The following SORBS2 variants were observed in gnomAD, a reference collection of about 807,000 sequenced individuals.
SORBS2 encodes sorbin and SH3 domain containing 2.
A neutral mutation model predicts 97.7 loss-of-function variants in SORBS2; 46 were observed. The ratio of observed to expected loss-of-function variants is 0.47; its 90% confidence interval spans 0.37 to 0.60. SORBS2 has a LOEUF of 0.60. Among genes scored for constraint, SORBS2 ranks in the 20% least tolerant of loss-of-function variants. SORBS2 has a pLI of 0.00. For missense variants in SORBS2, 1,316 were observed against 1,282.3 expected (o/e 1.03, Z -0.40); for synonymous variants, 476 against 473.4 (o/e 1.01, Z -0.07).
chr4:185,684,510 CCT>C lies in SORBS2; in HGVS notation c.-197-5690_-197-5689del, dbSNP rs2153508589. Among the ~76,000 whole-genome samples, 1 of 151,824 alleles carries C rather than the reference CCT, an allele frequency of 6.6e-6. No homozygotes were observed. Among genetic ancestry groups the C allele is most frequent in the South Asian group, 2.1e-4 (1 of 4,810 alleles). ...TAGGTTAAAAAAAAAAACCCCAAAACCTCTGAGTTATCTTAATGAAATATTAT... is the reference window on the plus strand; with the variant it reads ...TAGGTTAAAAAAAAAAACCCCAAAACCTGAGTTATCTTAATGAAATATTAT... On this transcript the variant is annotated intron_variant, in intron 2 of 20. Transcript: ENST00000284776. This position sits in a 1 kb window ranked among gnomAD's most constrained non-coding sequence, Gnocchi z 4.2.
chr4:185,881,516 A>G (rs1306888212), intron 1 of SORBS2, among the ~76,000 whole-genome samples: 1 of 152,214 alleles, frequency 6.6e-6, no homozygotes, highest in Admixed American at 6.5e-5. Flanking sequence ...GAAAAAAGAA[A>G]GGCATCTACA....
At chr4:185,865,787 A>C (rs2099226542) in intron 1 of SORBS2, among the ~76,000 whole-genome samples, 1 of 152,236 alleles carries the variant, frequency 6.6e-6, no homozygotes, top group South Asian at 2.1e-4. Flanking sequence ...ATCGGGTTTT[A>C]AAGTCTGCTC....
intron 14 of SORBS2, among the ~76,000 whole-genome samples, chr4:185,588,471 C>T (rs929044765): frequency 2.0e-5 from 3 of 152,152 alleles, no homozygotes; most frequent in African/African-American, 4.8e-5. Flanking sequence ...TTAGGCAGCG[C>T]AGATGGACCG....
chr4:185,742,870 G>A (rs1562246302), intron 2 of SORBS2, among the ~76,000 whole-genome samples: 2 of 152,260 alleles, frequency 1.3e-5, no homozygotes, highest in Admixed American at 6.5e-5. Flanking sequence ...TGGGACACAC[G>A]AGCTTCTGAA....
At chr4:185,594,161 G>A (rs750516927) in intron 12 of SORBS2, among the ~76,000 whole-genome samples, 2 of 152,152 alleles carry the variant, frequency 1.3e-5, no homozygotes, top group African/African-American at 4.8e-5. Context: ...TTTTGAACAT[G>A]TCTACAATCT....
intron 2 of SORBS2, among the ~76,000 whole-genome samples, chr4:185,713,679 G>C (rs1464325950): frequency 2.0e-5 from 3 of 152,196 alleles, no homozygotes; most frequent in Admixed American, 6.5e-5. Context: ...AAATATTGCT[G>C]CTGTGGAAAA....
intron 12 of SORBS2, among the ~76,000 whole-genome samples, chr4:185,604,177 T>C (rs2096349972): frequency 6.6e-6 from 1 of 152,254 alleles, no homozygotes; most frequent in Admixed American, 6.5e-5. Flanking sequence ...TATGCAAATA[T>C]GTCTTTTAAA....
In SORBS2 at chr4:185,683,169, T is replaced by C. The variant is rs117011787; in HGVS notation, c.-197-4347A>G. ...ATGCCTAGTGATAGAAAACTTAAAA[T>C]AGCCCAAAGCTACATTGTTATTACT... is the stretch of plus-strand genomic sequence containing the variant. On this transcript the variant is annotated intron_variant, in intron 2 of 20. Transcript: ENST00000284776. 4.5e-4 allele frequency among the ~76,000 whole-genome samples: 68 copies of C among 152,306 alleles called. No homozygotes were observed. In the East Asian group the frequency reaches 0.012, roughly 26 times the overall value.
At chr4:185,775,540 G>T (rs1044961475) in intron 1 of SORBS2, 174 bp from the exon 2 acceptor site, 2 of 152,150 alleles carry the variant, frequency 1.3e-5, no homozygotes, top group Non-Finnish European at 2.9e-5. Context: ...CTCCAGGGGG[G>T]AGAAAACACC....
intron 1 of SORBS2, among the ~76,000 whole-genome samples, chr4:185,904,824 G>T (rs781268553): frequency 2.6e-5 from 4 of 152,206 alleles, no homozygotes; most frequent in Non-Finnish European, 5.9e-5. Flanking sequence ...AAAGAAATAG[G>T]CCGGGCGCAG....
At chr4:185,768,712 C>CAAAAAAAAAAAAAAAAAA (rs72088117) in intron 2 of SORBS2, among the ~76,000 whole-genome samples, 2 of 116,804 alleles carry the variant, frequency 1.7e-5, no homozygotes, top group Non-Finnish European at 1.9e-5. Context: ...AAAAAAAAAA[C>CAAAAAAAAAAAAAAAAAA]AAAAAAACAA....
Position 185,684,689 on chromosome 4 carries a change from C to CA in SORBS2, c.-197-5868dup, listed in dbSNP as rs1315349580. ...TTTCCTTTGCTTTTTACGTTTAGAA[C>CA]AAAAACAGTCAGAAGAGCTAGAAGC... On this transcript the variant is annotated intron_variant, in intron 2 of 20. Transcript: ENST00000284776. This position sits in a 1 kb window ranked among gnomAD's most constrained non-coding sequence, Gnocchi z 4.2. 8.6e-7 allele frequency: 1 copy of CA among 1,164,888 alleles called. No homozygotes were observed. Among genetic ancestry groups the CA allele is most frequent in the Non-Finnish European group, 1.2e-6 (1 of 808,570 alleles). 72.2% of individuals were successfully genotyped at this position (1,164,888 alleles called of 1,614,324 possible). A position where few individuals can be genotyped will look rare whatever the true frequency, so the allele number is the denominator to read the frequency against.
intron 1 of SORBS2, among the ~76,000 whole-genome samples, chr4:185,827,357 T>C (rs62652498): frequency 0.59 from 1,947 of 3,284 alleles, 644 homozygotes; most frequent in Non-Finnish European, 0.63. Flanking sequence ...ATCATCATCA[T>C]CATCATCATC....
chr4:185,867,466 C>G (rs2099227578), intron 1 of SORBS2, among the ~76,000 whole-genome samples: 1 of 152,194 alleles, frequency 6.6e-6, no homozygotes, highest in African/African-American at 2.4e-5. Context: ...GGTGGACGGA[C>G]TTCCTGTCAT....
At chr4:185,930,684 T>C (rs2099266000) in intron 1 of SORBS2, among the ~76,000 whole-genome samples, 1 of 152,208 alleles carries the variant, frequency 6.6e-6, no homozygotes, top group African/African-American at 2.4e-5. Flanking sequence ...CTATCTTATG[T>C]TATTCTGAAG....
intron 2 of SORBS2, among the ~76,000 whole-genome samples, chr4:185,725,036 T>A (rs767517207): frequency 6.6e-6 from 1 of 152,222 alleles, no homozygotes; most frequent in Non-Finnish European, 1.5e-5. Flanking sequence ...AACAAAAGAA[T>A]CATACATAAG....
rs368646475 is a variant in SORBS2, at chr4:185,754,212, C to T, written c.-198+21015G>A. Among the ~76,000 whole-genome samples, 10 of 152,296 alleles carry T rather than the reference C, an allele frequency of 6.6e-5. No homozygotes were observed. The East Asian group carries it at 1.9e-3, about 29-fold the overall frequency. On this transcript the variant is annotated intron_variant, in intron 2 of 20. Coordinates refer to the SORBS2 transcript ENST00000284776. The stretch of plus-strand genomic sequence containing the variant: ...TAACACAGGAGAAGAAAACCAAATT[C>T]TACATGTTCTCAAGTATAAGTGGGA...
chr4:185,771,479 T>C (rs2098971151), intron 2 of SORBS2: 2 of 152,234 alleles, frequency 1.3e-5, no homozygotes, highest in Non-Finnish European at 2.9e-5. Flanking sequence ...AAATCACATA[T>C]GCTGATAAAT....
intron 1 of SORBS2, among the ~76,000 whole-genome samples, chr4:185,946,233 A>G (rs2099274496): frequency 6.6e-6 from 1 of 152,206 alleles, no homozygotes; most frequent in African/African-American, 2.4e-5. Context: ...AAGGAAAAAG[A>G]GAACATGAGT....
Sources: allele counts gnomAD v4.1 joint callset (sites outside exome capture counted in the v4.1 genomes callset), GRCh38; gene constraint gnomAD v4.1.1; non-coding constraint Gnocchi (gnomAD v3.1); transcripts MANE v1.5; gene names NCBI Gene and HGNC (gene_info 2026-07-23, HGNC 2026-07-21).